Variants in KMT2C observed in about 807,000 individuals in gnomAD.
KMT2C encodes lysine methyltransferase 2C.
KMT2C carries 88 observed loss-of-function variants against 507.9 expected under a neutral mutation model. The ratio of observed to expected loss-of-function variants is 0.17; its 90% CI spans 0.15 to 0.21. The LOEUF is 0.21. KMT2C is among the 10% of genes least tolerant of loss of function. The probability of loss-of-function intolerance (pLI) is 1.00; values close to 1 mark genes in which losing one functional copy is unlikely to be tolerated. For synonymous variants in KMT2C, 2,049 were observed against 2,080.8 expected (o/e 0.98, Z 0.42); for missense variants, 4,954 against 5,957.8 (o/e 0.83, Z 5.55).
chr7:152,377,376 C>T (rs976961770), intron 1 of KMT2C, among the ~76,000 whole-genome samples: 5 of 150,732 alleles, frequency 3.3e-5, no homozygotes, highest in Admixed American at 6.6e-5. Context: ...CCTGCCAGTA[C>T]GATACATCTA....
intron 6 of KMT2C, among the ~76,000 whole-genome samples, chr7:152,307,320 GAAGAGGAAGGA>G (rs1348790054): frequency 1.6e-5 from 2 of 125,078 alleles, no homozygotes; most frequent in Admixed American, 9.0e-5. Context: ...ACGAAGGACA[GAAGAGGAAGGA>G]AAGAGGGAGG....
intron 39 of KMT2C, among the ~76,000 whole-genome samples, chr7:152,172,098 A>T (rs183062398): frequency 6.6e-6 from 1 of 152,358 alleles, no homozygotes; most frequent in Admixed American, 6.5e-5. Context: ...CTATTTAAGT[A>T]CTATTAGGAT....
At chr7:152,219,544 G>C (rs1012017629) in intron 23 of KMT2C, among the ~76,000 whole-genome samples, 1 of 150,478 alleles carries the variant, frequency 6.6e-6, no homozygotes, top group Non-Finnish European at 1.5e-5. Context: ...CCAGGAGTTG[G>C]AAACCAGCCT....
At chr7:152,348,637 G>GA (rs1161644073) in intron 2 of KMT2C, among the ~76,000 whole-genome samples, 3 of 114,502 alleles carry the variant, frequency 2.6e-5, no homozygotes, top group Non-Finnish European at 3.8e-5. Context: ...AAGAAAGAAA[G>GA]AAAAAAAGCA....
intron 6 of KMT2C, among the ~76,000 whole-genome samples, chr7:152,297,051 AAGACAGAGAGAG>A (rs1386861745): frequency 1.2e-4 from 7 of 60,240 alleles, no homozygotes; most frequent in East Asian, 4.4e-4. Context: ...GAAAGAAAGA[AAGACAGAGAGAG>A]AGAGAGAGAG....
chr7:152,219,452 C>G (rs1299782942), intron 23 of KMT2C, among the ~76,000 whole-genome samples: 2 of 151,836 alleles, frequency 1.3e-5, no homozygotes, highest in Non-Finnish European at 2.9e-5. Flanking sequence ...TCAATAAATT[C>G]TATTGTCTCA....
intron 2 of KMT2C, among the ~76,000 whole-genome samples, chr7:152,340,963 G>A (rs1382616131): frequency 6.6e-6 from 1 of 152,164 alleles, no homozygotes; most frequent in East Asian, 1.9e-4. Context: ...GTTGTTATCA[G>A]TATTTCCTTT....
chr7:152,247,588 G>A (rs911335912), intron 14 of KMT2C, among the ~76,000 whole-genome samples: 7 of 152,418 alleles, frequency 4.6e-5, no homozygotes, highest in African/African-American at 1.4e-4. Context: ...CTGTATTTTA[G>A]GCTCTATATT....
intron 7 of KMT2C, among the ~76,000 whole-genome samples, chr7:152,266,437 G>T (rs1433448855): frequency 6.6e-6 from 1 of 152,002 alleles, no homozygotes; most frequent in Non-Finnish European, 1.5e-5. Flanking sequence ...TAGAGACGGT[G>T]TTTCGCCACA....
At chr7:152,381,474 G>A (rs569094360) in intron 1 of KMT2C, among the ~76,000 whole-genome samples, 1 of 152,212 alleles carries the variant, frequency 6.6e-6, no homozygotes, top group South Asian at 2.1e-4. Flanking sequence ...AGTCCAAAAT[G>A]TCAACAGTGC....
At chr7:152,201,759 A>G (rs1295780605) in intron 26 of KMT2C, among the ~76,000 whole-genome samples, 1 of 152,098 alleles carries the variant, frequency 6.6e-6, no homozygotes, top group Non-Finnish European at 1.5e-5. Context: ...TGTATGAAGG[A>G]TATACAAAAA....
intron 42 of KMT2C, among the ~76,000 whole-genome samples, chr7:152,165,412 G>A (rs900741523): frequency 6.6e-6 from 1 of 152,088 alleles, no homozygotes; most frequent in Non-Finnish European, 1.5e-5. Flanking sequence ...TATGCCAGAT[G>A]GCAATGAAAG....
chr7:152,154,227 T>C (rs371510175), intron 47 of KMT2C, 40 bp downstream of exon 47: 6 of 1,610,520 alleles, frequency 3.7e-6, no homozygotes, highest in East Asian at 2.2e-5. Flanking sequence ...TAAATTGGCG[T>C]AGTGTAAAGG....
chr7:152,161,970 G>T, intron 43 of KMT2C, 147 bp downstream of exon 43: 1 of 865,838 alleles, frequency 1.2e-6, no homozygotes, highest in Non-Finnish European at 1.6e-6. Flanking sequence ...ATGGGTTCCA[G>T]AGAGGTAGAA....
intron 1 of KMT2C, among the ~76,000 whole-genome samples, chr7:152,385,191 A>C (rs201679222): frequency 6.6e-6 from 1 of 151,496 alleles, no homozygotes; most frequent in Admixed American, 6.6e-5. Context: ...TCCTGACTAC[A>C]GGAACTCTAC....
chr7:152,200,469 C>T (rs2094103337), intron 26 of KMT2C, among the ~76,000 whole-genome samples: 2 of 152,178 alleles, frequency 1.3e-5, no homozygotes, highest in Admixed American at 6.5e-5. Flanking sequence ...TAGCTCACGC[C>T]TGTAATCCCA....
At chr7:152,157,908 A>G in intron 44 of KMT2C, 1 of 1,335,620 alleles carries the variant, frequency 7.5e-7, no homozygotes, top group Non-Finnish European at 9.9e-7. Context: ...GTTCCATTAG[A>G]GGGAGCAGAG....
intron 1 of KMT2C, among the ~76,000 whole-genome samples, chr7:152,416,549 A>C (rs1371080705): frequency 6.6e-6 from 1 of 151,534 alleles, no homozygotes; most frequent in African/African-American, 2.4e-5. Context: ...ACTCATCTCA[A>C]AAAAAAACAA....
intron 3 of KMT2C, among the ~76,000 whole-genome samples, chr7:152,320,413 T>C (rs1435099382): frequency 2.0e-5 from 3 of 152,152 alleles, no homozygotes; most frequent in Non-Finnish European, 4.4e-5. Context: ...AACATCTAGC[T>C]AATTTTTGTA....
Sources: allele counts gnomAD v4.1 joint callset (sites outside exome capture counted in the v4.1 genomes callset), GRCh38; gene constraint gnomAD v4.1.1; transcripts MANE v1.5; gene names NCBI Gene and HGNC (gene_info 2026-07-23, HGNC 2026-07-21).